ZNF320: variants seen among roughly 807,000 people sequenced by gnomAD.
ZNF320 encodes zinc finger protein 320.
A neutral mutation model predicts 6.8 loss-of-function variants in ZNF320; 2 were observed. The ratio of observed to expected loss-of-function variants is 0.29; its 90% CI spans 0.12 to 0.93. The LOEUF is 0.93. Among genes scored for constraint, ZNF320 ranks in the 40% least tolerant of loss-of-function variants. The pLI is 0.55. For missense variants in ZNF320, 472 were observed against 611.0 expected (o/e 0.77, Z 2.40); for synonymous variants, 208 against 203.2 (o/e 1.02, Z -0.20).
upstream of ZNF320, among the ~76,000 whole-genome samples, chr19:52,898,854 C>A (rs1416829669): frequency 6.6e-6 from 1 of 152,078 alleles, no homozygotes; most frequent in Non-Finnish European, 1.5e-5. Flanking sequence ...TGATTTTTAA[C>A]TACTGGGTTT....
intron 5 of ZNF320, among the ~76,000 whole-genome samples, chr19:52,885,160 C>A (rs1223172062): frequency 6.6e-6 from 1 of 152,032 alleles, no homozygotes; most frequent in Non-Finnish European, 1.5e-5. Flanking sequence ...CAAGATCACA[C>A]CACTGCACTT....
chr19:52,900,352 A>C (rs1040214792), upstream of ZNF320, among the ~76,000 whole-genome samples: 7 of 152,212 alleles, frequency 4.6e-5, no homozygotes, highest in African/African-American at 1.7e-4. Context: ...TAGCTATGCA[A>C]TACCGTCTAA....
rs2063807686 is a variant in ZNF320, at chr19:52,878,033, C to T, written c.*2563G>A. On this transcript the variant is annotated 3_prime_UTR_variant, in exon 6 of 6. Coordinates refer to ENST00000682928, the MANE Select transcript of ZNF320 (RefSeq NM_001351774.2). ...GATCCAGAGAAAAAAAATACATTCT[C>T]AATAAAACATGTCCAACTCTCCAGA... 1 of 157,802 alleles carries T rather than the reference C, an allele frequency of 6.3e-6. No homozygotes were observed. Among genetic ancestry groups the T allele is most frequent in the Admixed American group, 6.3e-5 (1 of 15,960 alleles). 9.8% of individuals were successfully genotyped at this position (157,802 alleles called of 1,614,324 possible).
At chr19:52,903,780 A>G in the ZNF320 span, among the ~76,000 whole-genome samples, 1 of 151,988 alleles carries the variant, frequency 6.6e-6, no homozygotes, top group African/African-American at 2.4e-5. Context: ...AAGAGGGCAC[A>G]CACACGCACT....
chr19:52,883,814 A>T (rs1206087853), intron 5 of ZNF320: 1 of 314,814 alleles, frequency 3.2e-6, no homozygotes, highest in African/African-American at 2.3e-5. Context: ...GGCAGGAATC[A>T]TTTGAACCCA....
intron 5 of ZNF320, among the ~76,000 whole-genome samples, chr19:52,866,496 G>A (rs745575230): frequency 1.8e-4 from 27 of 151,984 alleles, no homozygotes; most frequent in Non-Finnish European, 3.1e-4. Context: ...CTCCAAGGAG[G>A]ATGAAAAACA....
intron 5 of ZNF320, among the ~76,000 whole-genome samples, chr19:52,886,352 T>C (rs550292762): frequency 6.6e-6 from 1 of 152,192 alleles, no homozygotes; most frequent in East Asian, 1.9e-4. Flanking sequence ...CCAGGCTGGT[T>C]CTGAACTCCT....
exon 6 of ZNF320, chr19:52,862,092 T>A: frequency 2.7e-6 from 1 of 374,954 alleles, no homozygotes; most frequent in Non-Finnish European, 5.4e-6. Flanking sequence ...TATTAACACT[T>A]GTAAGATCTC....
downstream of ZNF320, among the ~76,000 whole-genome samples, chr19:52,873,101 G>A (rs1224265731): frequency 1.3e-5 from 2 of 151,980 alleles, no homozygotes; most frequent in South Asian, 2.1e-4. Flanking sequence ...GTTTTACACC[G>A]AGACATTCCA....
intron 5 of ZNF320, chr19:52,883,701 C>A (rs1354906063): frequency 7.3e-6 from 3 of 412,300 alleles, no homozygotes; most frequent in African/African-American, 6.4e-5. Context: ...AGTTTGAGAC[C>A]AGCCTGGAAC....
rs1421161391 is a variant in ZNF320, at chr19:52,864,538, C to T, written c.224-379G>A. 2.6e-5 allele frequency among the ~76,000 whole-genome samples: 4 copies of T among 152,020 alleles called. No individual in the cohort carries two copies. In the South Asian group the frequency reaches 8.3e-4, roughly 32 times the overall value. ...TCAGGGCCAGCCATAGTGGCTCAAGCGTGTAATCCCAGCACGTTGAGAAGT... is the reference window on the plus strand; with the variant it reads ...TCAGGGCCAGCCATAGTGGCTCAAGTGTGTAATCCCAGCACGTTGAGAAGT... On this transcript the variant is annotated intron_variant, in intron 5 of 5. Transcript: ENST00000673631.
chr19:52,886,593 T>G (rs553090897), intron 5 of ZNF320, among the ~76,000 whole-genome samples: 1 of 152,224 alleles, frequency 6.6e-6, no homozygotes, highest in Admixed American at 6.5e-5. Context: ...ACTGGAATCA[T>G]GTTTAAACCA....
intron 5 of ZNF320, chr19:52,865,475 T>TGTAATAC (rs1358742297): frequency 1.7e-4 from 7 of 40,326 alleles, no homozygotes; most frequent in African/African-American, 6.5e-4. Flanking sequence ...ATATATTACA[T>TGTAATAC]ATATATATAA....
intron 5 of ZNF320, among the ~76,000 whole-genome samples, chr19:52,867,507 T>A (rs929298733): frequency 3.3e-5 from 5 of 152,132 alleles, no homozygotes; most frequent in African/African-American, 1.2e-4. Context: ...ATATTTGGAT[T>A]TCTTATTCTC....
downstream of ZNF320, among the ~76,000 whole-genome samples, chr19:52,860,140 C>G (rs191759971): frequency 5.3e-3 from 800 of 152,244 alleles, 9 homozygotes; most frequent in African/African-American, 0.016. Context: ...TCTCGATCTC[C>G]TGACCTTGTG....
At position 52,881,909 on chromosome 19, in the gene ZNF320, T is replaced by A. The variant is rs1236034220; in HGVS notation, c.217A>T (p.Thr73Ser). The A allele has an allele frequency of 1.2e-6, 2 of 1,612,888 alleles. No homozygotes were observed. Among genetic ancestry groups the A allele is most frequent in the Non-Finnish European group, 1.7e-6 (2 of 1,179,436 alleles). Residue 73 changes from threonine to serine, a missense_variant, in exon 6 of 6, where the codon ACA (threonine) becomes TCA (serine). By Grantham distance (58) the Thr-to-Ser change is moderately conservative. This residue lies in a region of ZNF320 where 462 missense variants were observed against 559.7 expected (regional missense o/e 0.83). Transcript: ENST00000682928. The part of the protein sequence containing the change: ...QGNTEVIHTG[T>S]LQRQASYHIG... ...TGATAACTTGCTTGTCTCTGCAATG[T>A]CCCTGTGTGGATCACTTCTGTATTG...
intron 3 of ZNF320, 86 bp from the exon 4 acceptor site, chr19:52,890,414 C>A: frequency 8.9e-7 from 1 of 1,125,026 alleles, no homozygotes; most frequent in Non-Finnish European, 1.2e-6. Flanking sequence ...GGAGGCCTCA[C>A]CCTGGGAAAT....
At chr19:52,886,794 G>T (rs995056219) in intron 5 of ZNF320, among the ~76,000 whole-genome samples, 4 of 152,062 alleles carry the variant, frequency 2.6e-5, no homozygotes, top group Admixed American at 6.6e-5. Flanking sequence ...AGTGAGCTGG[G>T]CATGGTGGTG....
chr19:52,867,197 T>A (rs542298346), intron 5 of ZNF320, among the ~76,000 whole-genome samples: 4 of 150,410 alleles, frequency 2.7e-5, no homozygotes, highest in Admixed American at 2.0e-4. Context: ...TTAATTTATT[T>A]ATTTATGTAT....
Sources: allele counts gnomAD v4.1 joint callset (sites outside exome capture counted in the v4.1 genomes callset), GRCh38; gene constraint gnomAD v4.1.1; regional missense constraint gnomAD v4.1.1; transcripts MANE v1.5; gene names NCBI Gene and HGNC (gene_info 2026-07-23, HGNC 2026-07-21).